C4A: variants seen among roughly 807,000 people sequenced by gnomAD.
C4A encodes the protein complement C4-A.
Under a neutral mutation model 45.7 loss-of-function variants are expected in C4A, and 12 were observed. The ratio of observed to expected loss-of-function variants is 0.26; its 90% CI spans 0.17 to 0.43. The LOEUF (loss-of-function observed/expected upper bound fraction) is 0.43, where lower values mean the gene tolerates loss of function less well. C4A is among the 20% of genes least tolerant of loss of function. C4A has a pLI of 1.00. For missense variants in C4A, 127 were observed against 534.4 expected (o/e 0.24, Z 7.52); for synonymous variants, 66 against 230.7 (o/e 0.29, Z 6.47).
In C4A at chr6:31,995,524, GA is replaced by G; in HGVS notation, c.3140del (p.Asp1047ValfsTer2). 1 of 569,918 alleles carries G rather than the reference GA, an allele frequency of 1.8e-6. No individual in the cohort carries two copies. Among genetic ancestry groups the G allele is most frequent in the Non-Finnish European group, 3.0e-6 (1 of 332,926 alleles). 35.3% of individuals were successfully genotyped at this position (569,918 alleles called of 1,614,324 possible). A position where few individuals can be genotyped will look rare whatever the true frequency, so the allele number is the denominator to read the frequency against. On this transcript the variant is annotated frameshift_variant, in exon 24 of 41. Transcript: ENST00000428956. LOFTEE classifies it high-confidence loss of function. ...TCCCGAGACCAAGGACCACGCCGTG[GA>G]TCTGATCCAGAAAGGTTCTGGGTGC... ...LPPETKDHAV[D>X]LIQKGYMRIQ...
chr6:31,994,393 C>G lies in C4A; in HGVS notation c.2592+9C>G. On this transcript the variant is annotated intron_variant, in intron 20 of 40. Coordinates refer to ENST00000428956, the MANE Select transcript of C4A (RefSeq NM_007293.3). ...TGGATAAAAACCTGACTGTGAGGCC[C>G]CATAGGAGCCTGAGCATACAGGAGT... 1 of 1,306,054 alleles carries G rather than the reference C, an allele frequency of 7.7e-7. No individual in the cohort carries two copies. Among genetic ancestry groups the G allele is most frequent in the Middle Eastern group, 1.9e-4 (1 of 5,320 alleles). The allele number at this position is 1,306,054 out of a possible 1,614,324, so 80.9% of individuals were successfully genotyped here.
Position 31,996,498 on chromosome 6 carries a change from G to C in C4A, c.3574G>C (p.Ala1192Pro). The change falls in exon 28 of 41, where the codon GCA becomes CCA. Residue 1192 changes from alanine (A) to proline (P), a missense_variant. Transcript: ENST00000428956. Reference sequence around the variant, plus strand: ...AAGTGCTGGGCTCCTGGGTGCCCACGCAGCTGCCATCACGGCCTATGCCCT... The same window carrying C: ...AAGTGCTGGGCTCCTGGGTGCCCACCCAGCTGCCATCACGGCCTATGCCCT... ...KASAGLLGAHAAAITAYALTL... is the reference protein window; with the variant it reads ...KASAGLLGAHPAAITAYALTL... 1.3e-6 allele frequency: 2 copies of C among 1,588,616 alleles called. No homozygotes were observed. Among genetic ancestry groups the C allele is most frequent in the Non-Finnish European group, 8.6e-7 (1 of 1,158,214 alleles).
At chr6:31,997,405 C>CCCCG in intron 30 of C4A, 94 bp downstream of exon 30, 1 of 183,618 alleles carries the variant, frequency 5.4e-6, no homozygotes, top group Non-Finnish European at 9.2e-6. Flanking sequence ...CCCTCCCACC[C>CCCCG]GTGGAATCCC....
At chr6:31,996,669 A>G in intron 28 of C4A, 69 bp downstream of exon 28, 2 of 1,579,940 alleles carry the variant, frequency 1.3e-6, no homozygotes, top group East Asian at 4.5e-5. Flanking sequence ...GAGTGTGCCC[A>G]GAGGGAGAGG....
intron 28 of C4A, 110 bp from the exon 29 acceptor site, chr6:31,996,719 G>A (rs1774485798): frequency 1.4e-6 from 2 of 1,478,270 alleles, no homozygotes; most frequent in Admixed American, 1.9e-5. Context: ...TTATAAGCAG[G>A]GGTGGGTTGG....
chr6:31,996,090 A>T lies in C4A; in HGVS notation c.3366A>T (p.Pro1122=), dbSNP rs371701322. ...QADGSFQDPC[P]VLDRSMQGGL... ...ACGGCTCGTTCCAGGACCCCTGTCC[A>T]GTGTTAGACAGGAGCATGCAGGTGC... is the stretch of plus-strand genomic sequence containing the variant. Residue 1122 remains proline, a synonymous_variant, in exon 26 of 41, where the codon CCA becomes CCT. Coordinates refer to ENST00000428956, the MANE Select transcript of C4A (RefSeq NM_007293.3). 1 of 1,587,456 alleles carries T rather than the reference A, an allele frequency of 6.3e-7. No homozygotes were observed. Among genetic ancestry groups the T allele is most frequent in the Non-Finnish European group, 8.6e-7 (1 of 1,156,662 alleles).
chr6:31,996,357 C>T lies in C4A; in HGVS notation c.3504+34C>T. On this transcript the variant is annotated intron_variant, in intron 27 of 40. Transcript: ENST00000428956. ...AGTGGCGTTTCTGCCCTCTGCTGGC[C>T]CCCAGCTCTCTCCCTTTTTCCTCAG... 5.1e-6 allele frequency: 8 copies of T among 1,579,416 alleles called. 1 individual carries two copies. Among genetic ancestry groups the T allele is most frequent in the Non-Finnish European group, 6.1e-6 (7 of 1,152,494 alleles).
Position 31,995,379 on chromosome 6 carries a change from A to G in C4A, c.2994A>G (p.Gly998=), listed in dbSNP as rs1329396611. 1 of 346,524 alleles carries G rather than the reference A, an allele frequency of 2.9e-6. No individual in the cohort carries two copies. The highest frequency in any genetic ancestry group is 9.6e-5 in the African/African-American group (1 of 10,368). The allele number at this position is 346,524 out of a possible 1,614,324, so 21.5% of individuals were successfully genotyped here. Residue 998 remains glycine, a synonymous_variant, in exon 24 of 41, where the codon GGA becomes GGG. Transcript: ENST00000428956. ...GCTCTGAGGGGGCCTTGTCACCAGG[A>G]GGCGTGGCCTCCCTCTTGAGGCTTC... ...TLGSEGALSP[G]GVASLLRLPR...
Position 31,996,407 on chromosome 6 carries a change from C to A in C4A, c.3505-22C>A, listed in dbSNP as rs765873525. 8.8e-6 allele frequency: 14 copies of A among 1,586,980 alleles called. No homozygotes were observed. In the African/African-American group the frequency reaches 1.8e-4, roughly 20 times the overall value. ...GGAACCCAGGGGTCCAGGCCCAAGA[C>A]CCTCCTCCCGTTTTCTTCCAGGAAG... is the stretch of plus-strand genomic sequence containing the variant. On this transcript the variant is annotated intron_variant, in intron 27 of 40. Coordinates refer to ENST00000428956, the MANE Select transcript of C4A (RefSeq NM_007293.3).
Position 31,996,202 on chromosome 6 carries a change from A to G in C4A, c.3388-5A>G, listed in dbSNP as rs562526611. ...CCTGTTTGACATCTTTTCTCCCCTTACTAGGGGGGTTTGGTGGGCAATGAT... is the reference window on the plus strand; with the variant it reads ...CCTGTTTGACATCTTTTCTCCCCTTGCTAGGGGGGTTTGGTGGGCAATGAT... On this transcript the variant is annotated splice_polypyrimidine_tract_variant and splice_region_variant and intron_variant, in intron 26 of 40. Coordinates refer to ENST00000428956, the MANE Select transcript of C4A (RefSeq NM_007293.3). The G allele has an allele frequency of 1.3e-6, 2 of 1,568,546 alleles. No homozygotes were observed. Among genetic ancestry groups the G allele is most frequent in the Non-Finnish European group, 1.8e-6 (2 of 1,141,826 alleles).
intron 28 of C4A, 108 bp from the exon 29 acceptor site, chr6:31,996,721 G>A: frequency 2.0e-6 from 3 of 1,477,140 alleles, no homozygotes; most frequent in East Asian, 4.9e-5. Context: ...ATAAGCAGGG[G>A]TGGGTTGGGG....
chr6:31,996,668 C>T, intron 28 of C4A, 68 bp downstream of exon 28: 1 of 1,580,750 alleles, frequency 6.3e-7, no homozygotes, highest in Admixed American at 1.7e-5. Context: ...TGAGTGTGCC[C>T]AGAGGGAGAG....
At position 31,994,709 on chromosome 6, in the gene C4A, T is replaced by C. The variant is rs1273855215; in HGVS notation, c.2802+2T>C. The C allele has an allele frequency of 6.3e-7, 1 of 1,584,458 alleles. No individual in the cohort carries two copies. Among genetic ancestry groups the C allele is most frequent in the Non-Finnish European group, 8.7e-7 (1 of 1,155,226 alleles). On this transcript the variant is annotated splice_donor_variant, in intron 21 of 40. Transcript: ENST00000428956. LOFTEE classifies it high-confidence loss of function. The stretch of plus-strand genomic sequence containing the variant: ...GTGTCCAAGGTTCTGCAGATTGAGG[T>C]GAATGGAGCACCCCTGAATATAAGT...
chr6:31,996,342 C>G lies in C4A; in HGVS notation c.3504+19C>G. On this transcript the variant is annotated intron_variant, in intron 27 of 40. Coordinates refer to ENST00000428956, the MANE Select transcript of C4A (RefSeq NM_007293.3). ...GAGAGTGGTAAGTTCAGTGGCGTTT[C>G]TGCCCTCTGCTGGCCCCCAGCTCTC... 1 of 1,574,266 alleles carries G rather than the reference C, an allele frequency of 6.4e-7. No individual in the cohort carries two copies. The highest frequency in any genetic ancestry group is 8.7e-7 in the Non-Finnish European group (1 of 1,147,834).
rs1774431743 is a variant in C4A at position 31,996,079 on chromosome 6, G to C, written c.3355G>C (p.Asp1119His). The change falls in exon 26 of 41, where the codon GAC (aspartate) becomes CAC (histidine). Residue 1119 changes from aspartate to histidine, a missense_variant. Physicochemically the swap from Asp to His is moderately conservative, Grantham distance 81 (BLOSUM62 -1). Transcript: ENST00000428956. ...SQQQADGSFQDPCPVLDRSMQ... is the reference protein window; with the variant it reads ...SQQQADGSFQHPCPVLDRSMQ... ...GCAGCAGGCTGACGGCTCGTTCCAGGACCCCTGTCCAGTGTTAGACAGGAG... is the reference window on the plus strand; with the variant it reads ...GCAGCAGGCTGACGGCTCGTTCCAGCACCCCTGTCCAGTGTTAGACAGGAG... 1 of 1,587,472 alleles carries C rather than the reference G, an allele frequency of 6.3e-7. No homozygotes were observed. The highest frequency in any genetic ancestry group is 1.1e-5 in the South Asian group (1 of 90,782).
intron 25 of C4A, 57 bp from the exon 26 acceptor site, chr6:31,995,898 G>A: frequency 1.3e-6 from 2 of 1,522,436 alleles, no homozygotes; most frequent in East Asian, 4.6e-5. Flanking sequence ...GCACCTGGGG[G>A]CGTGGGCATA....
chr6:31,996,627 G>A (rs754984776), intron 28 of C4A, 27 bp downstream of exon 28: 3 of 1,588,456 alleles, frequency 1.9e-6, no homozygotes, highest in Non-Finnish European at 1.7e-6. Flanking sequence ...TCCTGGCAGT[G>A]AGCCTGAGGC....
At position 31,996,288 on chromosome 6, in the gene C4A, C is replaced by T. The variant is rs755506204; in HGVS notation, c.3469C>T (p.Gln1157Ter). The change falls in exon 27 of 41, where the codon CAG becomes TAG. Residue 1157 changes from glutamine to a stop codon, truncating the protein, a stop_gained. Transcript: ENST00000428956. LOFTEE classifies it high-confidence loss of function. ...IALHHGLAVF[Q>*]DEGAEPLKQR... ...CCTTCATCATGGGCTGGCCGTCTTC[C>T]AGGATGAGGGTGCAGAGCCATTGAA... is the stretch of plus-strand genomic sequence containing the variant. The T allele has an allele frequency of 6.4e-7, 1 of 1,567,132 alleles. No homozygotes were observed. The highest frequency in any genetic ancestry group is 1.1e-5 in the South Asian group (1 of 90,626).
chr6:31,996,662 T>C, intron 28 of C4A, 62 bp downstream of exon 28: 2 of 1,583,318 alleles, frequency 1.3e-6, no homozygotes, highest in Non-Finnish European at 1.7e-6. Flanking sequence ...GATCCCTGAG[T>C]GTGCCCAGAG....
Sources: allele counts gnomAD v4.1 joint callset, GRCh38; gene constraint gnomAD v4.1.1; transcripts MANE v1.5; gene names NCBI Gene and HGNC (gene_info 2026-07-23, HGNC 2026-07-21).